The following NDUFS4 variants were observed in gnomAD, a reference collection of about 807,000 sequenced individuals.
NDUFS4 encodes the protein NADH:ubiquinone oxidoreductase subunit S4.
In NDUFS4, 28 loss-of-function variants were observed where a neutral mutation model predicts 24.3. The observed-to-expected ratio is 1.15, with a 90% confidence interval of 0.85 to 1.58. The LOEUF (loss-of-function observed/expected upper bound fraction) is 1.58. NDUFS4 is among the 40% of genes most tolerant of loss of function. The probability of loss-of-function intolerance (pLI) is 0.00; values close to 1 mark genes in which losing one functional copy is unlikely to be tolerated. For missense variants in NDUFS4, 223 were observed against 207.9 expected (o/e 1.07, Z -0.45); for synonymous variants, 93 against 69.7 (o/e 1.34, Z -1.67).
chr5:53,565,562 G>A (rs902065637), intron 1 of NDUFS4, among the ~76,000 whole-genome samples: 2 of 152,160 alleles, frequency 1.3e-5, no homozygotes, highest in African/African-American at 2.4e-5. Flanking sequence ...GGAGCATTAC[G>A]CAGTGTTTCT....
chr5:53,643,399 A>T (rs961484848), intron 2 of NDUFS4, among the ~76,000 whole-genome samples: 1 of 152,162 alleles, frequency 6.6e-6, no homozygotes, highest in Non-Finnish European at 1.5e-5. Context: ...TATAATTTAA[A>T]TAGTTTGCGG....
chr5:53,651,415 G>T (rs528558099), intron 3 of NDUFS4, among the ~76,000 whole-genome samples: 27 of 151,882 alleles, frequency 1.8e-4, no homozygotes, highest in Admixed American at 6.6e-4. Context: ...ACTTAACTAA[G>T]AAATAAACCT....
intron 1 of NDUFS4, among the ~76,000 whole-genome samples, chr5:53,599,731 ACACTT>A (rs1750250292): frequency 6.6e-6 from 1 of 152,052 alleles, no homozygotes; most frequent in African/African-American, 2.4e-5. Context: ...TGTCTGTCTT[ACACTT>A]CACTTACAGT....
intron 1 of NDUFS4, among the ~76,000 whole-genome samples, chr5:53,597,177 C>A (rs1482997324): frequency 2.0e-5 from 3 of 152,216 alleles, no homozygotes; most frequent in Non-Finnish European, 4.4e-5. Context: ...TTCCTCTTCA[C>A]AAGGACCTCT....
chr5:53,588,953 TTGAAAG>T (rs1482709496), intron 1 of NDUFS4, among the ~76,000 whole-genome samples: 1 of 151,996 alleles, frequency 6.6e-6, no homozygotes, highest in Non-Finnish European at 1.5e-5. Context: ...GTTGGAACAC[TTGAAAG>T]TGAAGAGAAA....
chr5:53,616,031 T>C (rs955356526), intron 2 of NDUFS4, among the ~76,000 whole-genome samples: 20 of 151,934 alleles, frequency 1.3e-4, no homozygotes, highest in Non-Finnish European at 1.3e-4. Flanking sequence ...GTATGCATTA[T>C]AATATCTTAA....
intron 1 of NDUFS4, among the ~76,000 whole-genome samples, chr5:53,576,602 A>G (rs753343582): frequency 3.3e-5 from 5 of 151,990 alleles, no homozygotes; most frequent in Non-Finnish European, 7.4e-5. Context: ...ACTTGATTTG[A>G]GTCAGATTAA....
At chr5:53,680,046 G>A (rs369921673) in intron 4 of NDUFS4, among the ~76,000 whole-genome samples, 13 of 152,158 alleles carry the variant, frequency 8.5e-5, no homozygotes, top group East Asian at 1.9e-4. Context: ...TTGCAATTGC[G>A]GGATATTTTT....
At chr5:53,663,769 G>T (rs1459355246) in intron 4 of NDUFS4, among the ~76,000 whole-genome samples, 1 of 152,074 alleles carries the variant, frequency 6.6e-6, no homozygotes, top group Non-Finnish European at 1.5e-5. Context: ...ACACTGATGG[G>T]TCCTGACTCT....
intron 4 of NDUFS4, among the ~76,000 whole-genome samples, chr5:53,667,962 A>G (rs2111563873): frequency 6.6e-6 from 1 of 152,344 alleles, no homozygotes; most frequent in East Asian, 1.9e-4. Context: ...CCTTACTCAT[A>G]TGCTGTATAG....
intron 1 of NDUFS4, among the ~76,000 whole-genome samples, chr5:53,594,451 T>C (rs1365999879): frequency 6.6e-6 from 1 of 152,150 alleles, no homozygotes; most frequent in Non-Finnish European, 1.5e-5. Context: ...TTCAGTAATA[T>C]GTAGTTGTGT....
chr5:53,602,010 T>TA (rs1750339381), intron 1 of NDUFS4, among the ~76,000 whole-genome samples: 1 of 152,172 alleles, frequency 6.6e-6, no homozygotes, highest in African/African-American at 2.4e-5. Flanking sequence ...TCAGTTCTAT[T>TA]AACAATTTTA....
intron 4 of NDUFS4, among the ~76,000 whole-genome samples, chr5:53,679,275 T>C (rs1740574248): frequency 6.6e-6 from 1 of 152,152 alleles, no homozygotes; most frequent in Admixed American, 6.6e-5. Context: ...ATCCTAACAA[T>C]CATGAGTGGT....
chr5:53,617,598 TC>T (rs1750882052), intron 2 of NDUFS4, among the ~76,000 whole-genome samples: 1 of 152,154 alleles, frequency 6.6e-6, no homozygotes, highest in African/African-American at 2.4e-5. Context: ...TTATCTTTCT[TC>T]TTCTTTCTCT....
Position 53,683,158 on chromosome 5 carries a change from C to T in NDUFS4, c.465C>T (p.Pro155=). The change falls in exon 5 of 5, where the codon CCC becomes CCT. Residue 155 remains proline (P), a synonymous_variant. Transcript: ENST00000296684. ...TTGAAGAGAGGAAGGTTCCAAAACC[C>T]AAGTCCAAGTCTTATGGTGCAAACT... ...YDIEERKVPK[P]KSKSYGANFS... 1 of 1,612,456 alleles carries T rather than the reference C, an allele frequency of 6.2e-7. No individual in the cohort carries two copies. The highest frequency in any genetic ancestry group is 8.5e-7 in the Non-Finnish European group (1 of 1,178,886).
Position 53,597,666 on chromosome 5 carries a change from C to T in NDUFS4, c.99-5786C>T, listed in dbSNP as rs564938041. Among the ~76,000 whole-genome samples the T allele has an allele frequency of 2.5e-4, 38 of 152,126 alleles. 2 individuals carry two copies. The South Asian group carries it at 7.9e-3, about 32-fold the overall frequency. On this transcript the variant is annotated intron_variant, in intron 1 of 4. Transcript: ENST00000296684. Reference sequence around the variant, plus strand: ...GATCTATATGAAGAAAATTAGAAAACTCTGAGGAAGGATATCAAAGAAGAT... The same window carrying T: ...GATCTATATGAAGAAAATTAGAAAATTCTGAGGAAGGATATCAAAGAAGAT...
At chr5:53,623,322 A>G (rs1386651595) in intron 2 of NDUFS4, among the ~76,000 whole-genome samples, 1 of 152,212 alleles carries the variant, frequency 6.6e-6, no homozygotes, top group Admixed American at 6.5e-5. Context: ...AATGTGTGTG[A>G]AGTAGTATCT....
At chr5:53,650,360 A>G (rs998845560) in intron 3 of NDUFS4, among the ~76,000 whole-genome samples, 2 of 152,230 alleles carry the variant, frequency 1.3e-5, no homozygotes, top group South Asian at 4.1e-4. Flanking sequence ...ACAAGAGACT[A>G]GCATACAATT....
intron 2 of NDUFS4, among the ~76,000 whole-genome samples, chr5:53,606,013 C>CAAAAA (rs11329751): frequency 1.3e-5 from 1 of 77,060 alleles, no homozygotes; most frequent in East Asian, 3.7e-4. Context: ...GACTCCGTCT[C>CAAAAA]AAAAAAAAAA....
Sources: gnomAD v4.1 joint callset for allele counts (sites outside exome capture counted in the v4.1 genomes callset) on GRCh38, gnomAD v4.1.1 for gene constraint, MANE v1.5 for transcripts, NCBI Gene and HGNC (gene_info 2026-07-23, HGNC 2026-07-21) for gene names.